The following SLC22A2 variants were observed in gnomAD, a reference collection of about 807,000 sequenced individuals.
SLC22A2 encodes solute carrier family 22 member 2.
A neutral mutation model predicts 60.5 loss-of-function variants in SLC22A2; 46 were observed. The observed-to-expected ratio is 0.76, with a 90% CI of 0.60 to 0.97. The LOEUF is 0.97. Among genes scored for constraint, SLC22A2 ranks in the 50% least tolerant of loss-of-function variants. The pLI is 0.00. For missense variants in SLC22A2, 701 were observed against 706.6 expected (o/e 0.99, Z 0.09); for synonymous variants, 303 against 267.0 (o/e 1.13, Z -1.31).
chr6:160,230,920 C>G (rs566322235), intron 9 of SLC22A2, among the ~76,000 whole-genome samples: 20 of 151,976 alleles, frequency 1.3e-4, no homozygotes, highest in Non-Finnish European at 2.5e-4. Flanking sequence ...GCCCAAGGCT[C>G]TCTGACTGAC....
At chr6:160,254,233 G>T (rs1472381280) in intron 2 of SLC22A2, among the ~76,000 whole-genome samples, 1 of 152,206 alleles carries the variant, frequency 6.6e-6, no homozygotes, top group East Asian at 1.9e-4. Context: ...AGCCAAGATT[G>T]CACCACTGCA....
At chr6:160,228,505 A>C (rs1782764258) in intron 9 of SLC22A2, among the ~76,000 whole-genome samples, 1 of 152,218 alleles carries the variant, frequency 6.6e-6, no homozygotes, top group Admixed American at 6.5e-5. Context: ...GGTCCCTCTC[A>C]GTAAAGTCCC....
chr6:160,256,484 C>A, intron 2 of SLC22A2, 130 bp downstream of exon 2: 2 of 651,608 alleles, frequency 3.1e-6, no homozygotes, highest in Non-Finnish European at 2.7e-6. Flanking sequence ...GTAAAAACAC[C>A]AGCATGAAGG....
At chr6:160,241,217 ATACTTGAG>A (rs1782995128) in intron 9 of SLC22A2, among the ~76,000 whole-genome samples, 1 of 152,100 alleles carries the variant, frequency 6.6e-6, no homozygotes, top group African/African-American at 2.4e-5. Context: ...CAGGAGTCCC[ATACTTGAG>A]TATTAGTAGT....
At chr6:160,251,153 C>G (rs1783179791) in intron 2 of SLC22A2, among the ~76,000 whole-genome samples, 1 of 152,076 alleles carries the variant, frequency 6.6e-6, no homozygotes, top group Non-Finnish European at 1.5e-5. Flanking sequence ...CAGTATATAC[C>G]CCCTTTCTTT....
At position 160,250,707 on chromosome 6, in the gene SLC22A2, A is replaced by G; in HGVS notation, c.519-5T>C. 6.2e-7 allele frequency: 1 copy of G among 1,612,918 alleles called. No homozygotes were observed. The stretch of plus-strand genomic sequence containing the variant: ...AGGCAGAGCTTACGGCCAAACCTGC[A>G]GGAAGAAAAACAAAGAGAGGGAATT... On this transcript the variant is annotated splice_region_variant and splice_polypyrimidine_tract_variant and intron_variant, in intron 2 of 10. Coordinates refer to ENST00000366953, the MANE Select transcript of SLC22A2 (RefSeq NM_003058.4).
chr6:160,237,631 A>T (rs531958329), intron 9 of SLC22A2, among the ~76,000 whole-genome samples: 1 of 152,320 alleles, frequency 6.6e-6, no homozygotes, highest in South Asian at 2.1e-4. Context: ...AACCATTAAG[A>T]TTAAGAGTTC....
intron 2 of SLC22A2, among the ~76,000 whole-genome samples, chr6:160,253,718 T>C (rs1783223595): frequency 6.6e-6 from 1 of 152,226 alleles, no homozygotes; most frequent in Non-Finnish European, 1.5e-5. Context: ...GCAAGTGTAA[T>C]ATGCAAAACA....
At chr6:160,256,898 CTCTCTTTTT>C in intron 1 of SLC22A2, among the ~76,000 whole-genome samples, 181 bp from the exon 2 acceptor site, 1 of 146,080 alleles carries the variant, frequency 6.8e-6, no homozygotes, top group East Asian at 2.0e-4. Flanking sequence ...TTCTCTCTCT[CTCTCTTTTT>C]TTTTTTTTTT....
In SLC22A2 at chr6:160,216,829, C is replaced by G. The variant is rs372349036; in HGVS notation, c.*603G>C. On this transcript the variant is annotated 3_prime_UTR_variant, in exon 11 of 11. Coordinates refer to ENST00000366953, the MANE Select transcript of SLC22A2 (RefSeq NM_003058.4). The stretch of plus-strand genomic sequence containing the variant: ...GTAGAAAATACACATTCATGCTTAC[C>G]CAATCTAAATATGGAAGGACCTCAT... 2 of 151,906 alleles carry G rather than the reference C, an allele frequency of 1.3e-5. No individual in the cohort carries two copies. The highest frequency in any genetic ancestry group is 3.9e-4 in the East Asian group (2 of 5,194). The allele number at this position is 151,906 out of a possible 1,614,324, so 9.4% of individuals were successfully genotyped here.
chr6:160,258,065 C>T, intron 1 of SLC22A2: 1 of 390,614 alleles, frequency 2.6e-6, no homozygotes. Context: ...GCAACATTTC[C>T]AGGAGTCCTA....
chr6:160,245,556 G>A lies in SLC22A2; in HGVS notation c.958-11C>T. The A allele has an allele frequency of 6.4e-7, 1 of 1,554,774 alleles. No individual in the cohort carries two copies. Among genetic ancestry groups the A allele is most frequent in the South Asian group, 1.1e-5 (1 of 88,064 alleles). On this transcript the variant is annotated splice_polypyrimidine_tract_variant and intron_variant, in intron 5 of 10. Transcript: ENST00000366953. ...TTCAAGTCTCAGGCGCTAAGAAAAG[G>A]AATAGAAAGGACGGCTTTGTATATT...
intron 9 of SLC22A2, among the ~76,000 whole-genome samples, chr6:160,231,131 T>G: frequency 6.6e-6 from 1 of 151,924 alleles, no homozygotes. Context: ...CCTCCATAAC[T>G]GTTGTGGGTA....
At chr6:160,218,179 C>G (rs1023837749) in intron 10 of SLC22A2, 1 of 246,230 alleles carries the variant, frequency 4.1e-6, no homozygotes, top group Non-Finnish European at 8.1e-6. Context: ...CAATCTGAGA[C>G]GAGGGATGGC....
chr6:160,249,236 GA>G lies in SLC22A2; in HGVS notation c.821del (p.Phe274SerfsTer17). 6.2e-7 allele frequency: 1 copy of G among 1,601,202 alleles called. No individual in the cohort carries two copies. Among genetic ancestry groups the G allele is most frequent in the Non-Finnish European group, 8.5e-7 (1 of 1,175,434 alleles). ...WLQFTVSLPNFFFLLYYWCIP... is the reference protein window; with the variant it reads ...WLQFTVSLPNXFFLLYYWCIP... ...CTTACCAGTAATAGAGCAAGAAGAA[GA>G]AGTTGGGCAGAGAAACTGTGAACTG... is the stretch of plus-strand genomic sequence containing the variant. On this transcript the variant is annotated frameshift_variant, in exon 4 of 11. Transcript: ENST00000366953. LOFTEE classifies it high-confidence loss of function.
chr6:160,241,522 C>A lies in SLC22A2; in HGVS notation c.1453G>T (p.Val485Phe). The part of the protein sequence containing the change: ...DIGGIITPFL[V>F]YRLTNIWLEL... ...AGCCAGATGTTAGTGAGCCGGTAGACCAGGAATGGCGTGATGATGCCACCA... is the reference window on the plus strand; with the variant it reads ...AGCCAGATGTTAGTGAGCCGGTAGAACAGGAATGGCGTGATGATGCCACCA... Residue 485 changes from valine to phenylalanine, a missense_variant, in exon 9 of 11, where the codon GTC becomes TTC. Physicochemically the swap from Val to Phe is conservative, Grantham distance 50. Transcript: ENST00000366953. 1 of 1,613,750 alleles carries A rather than the reference C, an allele frequency of 6.2e-7. No individual in the cohort carries two copies. The highest frequency in any genetic ancestry group is 2.2e-5 in the East Asian group (1 of 44,864).
At chr6:160,229,860 G>A (rs1039635928) in intron 9 of SLC22A2, among the ~76,000 whole-genome samples, 3 of 151,758 alleles carry the variant, frequency 2.0e-5, no homozygotes, top group Non-Finnish European at 4.4e-5. Context: ...CTCGACAGTG[G>A]TTCCAAATAG....
intron 9 of SLC22A2, among the ~76,000 whole-genome samples, chr6:160,237,961 G>A (rs1274097804): frequency 6.6e-6 from 1 of 152,222 alleles, no homozygotes; most frequent in African/African-American, 2.4e-5. Context: ...ACATCAGGAA[G>A]TTACCTTATA....
At chr6:160,233,735 A>G (rs1293098481) in intron 9 of SLC22A2, among the ~76,000 whole-genome samples, 1 of 151,770 alleles carries the variant, frequency 6.6e-6, no homozygotes, top group African/African-American at 2.4e-5. Context: ...TAACAACCTT[A>G]CCGCAAAATC....
Sources: allele counts gnomAD v4.1 joint callset (sites outside exome capture counted in the v4.1 genomes callset), GRCh38; gene constraint gnomAD v4.1.1; transcripts MANE v1.5; gene names NCBI Gene and HGNC (gene_info 2026-07-23, HGNC 2026-07-21).